Variants in IGF2BP2 observed in about 807,000 individuals in gnomAD.
IGF2BP2 encodes insulin-like growth factor 2 mRNA-binding protein 2.
IGF2BP2 carries 17 observed loss-of-function variants against 75.8 expected under a neutral mutation model. The observed-to-expected ratio is 0.22, with a 90% CI of 0.15 to 0.34. The LOEUF (loss-of-function observed/expected upper bound fraction) is 0.34, where lower values mean the gene tolerates loss of function less well. Ranked by LOEUF, IGF2BP2 falls within the 10% of genes least tolerant of loss-of-function variation. IGF2BP2 has a pLI of 1.00. For missense variants in IGF2BP2, 516 were observed against 772.4 expected, an observed-to-expected ratio of 0.67 and a Z score of 3.93; for synonymous variants, 288 against 295.6, an observed-to-expected ratio of 0.97 and a Z score of 0.26.
At chr3:185,677,430 G>A (rs556781028) in intron 7 of IGF2BP2, among the ~76,000 whole-genome samples, 74 of 151,936 alleles carry the variant, frequency 4.9e-4, no homozygotes, top group Non-Finnish European at 9.7e-4. Context: ...AAAGGTTTGA[G>A]AGGTCCTAGA....
intron 2 of IGF2BP2, among the ~76,000 whole-genome samples, chr3:185,794,225 C>T (rs780521316): frequency 2.5e-4 from 38 of 152,032 alleles, no homozygotes; most frequent in Middle Eastern, 6.8e-3. Flanking sequence ...CTTGGCCTCC[C>T]AAAGTGCTAG....
intron 9 of IGF2BP2, chr3:185,674,953 T>G (rs1413510553): frequency 6.1e-6 from 1 of 165,278 alleles, no homozygotes. Flanking sequence ...TGCCTCAGCC[T>G]CTTGAGTAGC....
At chr3:185,694,629 G>A (rs1722349241) in intron 4 of IGF2BP2, among the ~76,000 whole-genome samples, 1 of 152,218 alleles carries the variant, frequency 6.6e-6, no homozygotes, top group Non-Finnish European at 1.5e-5. Context: ...AAACTGGGGG[G>A]TCTCCAGCAC....
At chr3:185,658,591 CG>C (rs1413375957) in intron 10 of IGF2BP2, among the ~76,000 whole-genome samples, 182 bp from the exon 11 acceptor site, 1 of 152,228 alleles carries the variant, frequency 6.6e-6, no homozygotes, top group Non-Finnish European at 1.5e-5. Context: ...ACTCAGACCA[CG>C]GAATGCTTGG....
rs532490085 is a variant in IGF2BP2, at chr3:185,677,583, T to C, written c.813-1670A>G. 3.9e-5 allele frequency among the ~76,000 whole-genome samples: 6 copies of C among 152,066 alleles called. No individual in the cohort carries two copies. In the South Asian group the frequency reaches 1.2e-3, roughly 32 times the overall value. ...AAAGAAACAGAGAAGCATGACCCAA[T>C]CAAGGGACCAAAATAAAACTCCAAA... On this transcript the variant is annotated intron_variant, in intron 7 of 15. Coordinates refer to ENST00000382199, the MANE Select transcript of IGF2BP2 (RefSeq NM_006548.6).
chr3:185,724,001 A>G (rs1726956610), intron 2 of IGF2BP2, among the ~76,000 whole-genome samples: 1 of 152,218 alleles, frequency 6.6e-6, no homozygotes, highest in Non-Finnish European at 1.5e-5. Context: ...CCAGCGCCAG[A>G]CTATGCAGAG....
chr3:185,701,658 T>C (rs1265140673), intron 2 of IGF2BP2, among the ~76,000 whole-genome samples: 1 of 152,188 alleles, frequency 6.6e-6, no homozygotes, highest in African/African-American at 2.4e-5. Flanking sequence ...ACACATAAGT[T>C]CAGTAACTGG....
rs140710823 is a variant in IGF2BP2 at position 185,681,614 on chromosome 3, A to T, written c.812+5443T>A. Among the ~76,000 whole-genome samples the T allele has an allele frequency of 7.1e-3, 1,075 of 152,338 alleles. 10 individuals carry two copies. The highest frequency in any genetic ancestry group is 0.025 in the African/African-American group (1,021 of 41,568). ...GAATCTCAAGGGACCTTGAATAGCC[A>T]AAATGATTTCAAAAAATAAGGAAGT... On this transcript the variant is annotated intron_variant, in intron 7 of 15. Coordinates refer to ENST00000382199, the MANE Select transcript of IGF2BP2 (RefSeq NM_006548.6).
intron 5 of IGF2BP2, 49 bp downstream of exon 5, chr3:185,692,650 A>G: frequency 6.9e-7 from 1 of 1,457,350 alleles, no homozygotes. Context: ...ATGGAATTCA[A>G]ATATAAAAAC....
chr3:185,647,229 C>G lies in IGF2BP2; in HGVS notation c.1594-91G>C. 1 of 913,018 alleles carries G rather than the reference C, an allele frequency of 1.1e-6. No individual in the cohort carries two copies. 56.6% of individuals were successfully genotyped at this position (913,018 alleles called of 1,614,324 possible). A position where few individuals can be genotyped will look rare whatever the true frequency, so the allele number is the denominator to read the frequency against. On this transcript the variant is annotated intron_variant, in intron 14 of 15. Transcript: ENST00000382199. The surrounding 1 kb of genome is among the most constrained non-coding windows in gnomAD (Gnocchi z 4.9). ...CGGAGTGAGGGGCCAAGAGGTGGAGCAGGGGAAGGAGGGGGGCTGGACTCT... is the reference window on the plus strand; with the variant it reads ...CGGAGTGAGGGGCCAAGAGGTGGAGGAGGGGAAGGAGGGGGGCTGGACTCT...
chr3:185,824,454 G>T (rs908638061), intron 1 of IGF2BP2, among the ~76,000 whole-genome samples: 2 of 134,882 alleles, frequency 1.5e-5, no homozygotes, highest in Non-Finnish European at 1.6e-5. Context: ...AGGGTGGGGG[G>T]CGGGGAAGCT....
At chr3:185,707,858 T>C (rs987504248) in intron 2 of IGF2BP2, among the ~76,000 whole-genome samples, 3 of 152,350 alleles carry the variant, frequency 2.0e-5, no homozygotes, top group Admixed American at 6.5e-5. Context: ...TTCTGTGCAA[T>C]GTAGAGAAAG....
At chr3:185,718,944 G>C (rs577804133) in intron 2 of IGF2BP2, among the ~76,000 whole-genome samples, 1 of 152,276 alleles carries the variant, frequency 6.6e-6, no homozygotes, top group African/African-American at 2.4e-5. Flanking sequence ...ACAGCTTACA[G>C]GACCACATTC....
intron 2 of IGF2BP2, among the ~76,000 whole-genome samples, chr3:185,758,010 C>T (rs1035080645): frequency 1.6e-4 from 25 of 152,222 alleles, no homozygotes; most frequent in African/African-American, 6.0e-4. Context: ...GCCAACTGGC[C>T]ACCTGACCAA....
At chr3:185,675,060 A>G in intron 9 of IGF2BP2, 1 of 304,172 alleles carries the variant, frequency 3.3e-6, no homozygotes, top group Non-Finnish European at 5.7e-6. Flanking sequence ...TAAACACTAT[A>G]TCATAAGCTT....
At chr3:185,736,362 G>A (rs1186129276) in intron 2 of IGF2BP2, among the ~76,000 whole-genome samples, 1 of 152,032 alleles carries the variant, frequency 6.6e-6, no homozygotes, top group Non-Finnish European at 1.5e-5. Flanking sequence ...TAGTTTGAAG[G>A]ACATCTCTGT....
chr3:185,712,979 T>C (rs1200859759), intron 2 of IGF2BP2, among the ~76,000 whole-genome samples: 1 of 152,226 alleles, frequency 6.6e-6, no homozygotes. Flanking sequence ...TCTTGTACAA[T>C]ATCTGGTGTC....
intron 4 of IGF2BP2, among the ~76,000 whole-genome samples, chr3:185,695,625 A>G (rs1440546303): frequency 6.6e-6 from 1 of 152,244 alleles, no homozygotes; most frequent in Non-Finnish European, 1.5e-5. Context: ...GCTAGATAAG[A>G]TATCAGCTTT....
At chr3:185,652,268 G>A (rs1296384013) in intron 12 of IGF2BP2, 100 bp from the exon 13 acceptor site, 6 of 999,318 alleles carry the variant, frequency 6.0e-6, no homozygotes, top group African/African-American at 1.6e-5. Context: ...GGAGGTTCCA[G>A]GTCTTGCTTC....
Sources: gnomAD v4.1 joint callset for allele counts (sites outside exome capture counted in the v4.1 genomes callset) on GRCh38, gnomAD v4.1.1 for gene constraint, Gnocchi (gnomAD v3.1) non-coding constraint, MANE v1.5 for transcripts, NCBI Gene and HGNC (gene_info 2026-07-23, HGNC 2026-07-21) for gene names.